The following UPF2 variants were observed in gnomAD, a reference collection of about 807,000 sequenced individuals.
UPF2 encodes UPF2 regulator of nonsense mediated mRNA decay.
A neutral mutation model predicts 141.4 loss-of-function variants in UPF2; 17 were observed. That is an observed-to-expected ratio of 0.12 (90% CI 0.08 to 0.18). The LOEUF (loss-of-function observed/expected upper bound fraction) is 0.18, where lower values mean the gene tolerates loss of function less well. UPF2 is among the 10% of genes least tolerant of loss of function. UPF2 has a pLI of 1.00. For synonymous variants in UPF2, 540 were observed against 498.0 expected, an observed-to-expected ratio of 1.08 and a Z score of -1.12; for missense variants, 1,152 against 1,515.9, an observed-to-expected ratio of 0.76 and a Z score of 3.99.
In UPF2 at chr10:11,936,829, C is replaced by A; in HGVS notation, c.3379-117G>T. On this transcript the variant is annotated intron_variant, in intron 18 of 21. Coordinates refer to ENST00000357604, the MANE Select transcript of UPF2 (RefSeq NM_015542.4). The surrounding 1 kb of genome is among the most constrained non-coding windows in gnomAD (Gnocchi z 6.6). The stretch of plus-strand genomic sequence containing the variant: ...CTTAAAACACAACAATCATAAGAGC[C>A]ATAACAGTCAACAATTACAACCACC... 1.0e-6 allele frequency: 1 copy of A among 991,916 alleles called. No homozygotes were observed. Among genetic ancestry groups the A allele is most frequent in the Non-Finnish European group, 1.4e-6 (1 of 713,614 alleles). The allele number at this position is 991,916 out of a possible 1,614,324, so 61.4% of individuals were successfully genotyped here.
chr10:11,949,483 C>A (rs1231215802), intron 15 of UPF2, among the ~76,000 whole-genome samples: 2 of 152,222 alleles, frequency 1.3e-5, no homozygotes, highest in African/African-American at 4.8e-5. Flanking sequence ...GGAGAACTTA[C>A]AGCATCTTAC....
chr10:12,026,502 C>A, intron 3 of UPF2: 1 of 361,686 alleles, frequency 2.8e-6, no homozygotes, highest in Non-Finnish European at 5.4e-6. Context: ...GAGATACTGT[C>A]ATGGGAATAA....
chr10:11,964,190 T>A, intron 10 of UPF2, 65 bp from the exon 11 acceptor site: 7 of 1,228,404 alleles, frequency 5.7e-6, no homozygotes, highest in Non-Finnish European at 8.2e-6. Flanking sequence ...GAAGAAATTA[T>A]CATACATCTA....
At chr10:11,993,553 A>C (rs539741195) in intron 8 of UPF2, among the ~76,000 whole-genome samples, 46 of 152,180 alleles carry the variant, frequency 3.0e-4, no homozygotes, top group Non-Finnish European at 5.7e-4. Flanking sequence ...AGTATTCTCT[A>C]ATCAAAATGC....
At chr10:11,984,318 A>G (rs2131236968) in intron 8 of UPF2, among the ~76,000 whole-genome samples, 1 of 151,436 alleles carries the variant, frequency 6.6e-6, no homozygotes, top group African/African-American at 2.5e-5. Flanking sequence ...TCAAAAAATT[A>G]TGTTTCACTG....
chr10:12,004,636 A>G lies in UPF2; in HGVS notation c.1398T>C (p.Asn466=), dbSNP rs1834005742. The G allele has an allele frequency of 1.2e-6, 2 of 1,613,784 alleles. No individual in the cohort carries two copies. Among genetic ancestry groups the G allele is most frequent in the Non-Finnish European group, 1.7e-6 (2 of 1,179,912 alleles). ...GGIWEDEDAR[N]FYENLIDLKA... Reference sequence around the variant, plus strand: ...TCAAATCAATGAGGTTCTCATAAAAATTCCGAGCATCTTCATCTTCCCATA... The same window carrying G: ...TCAAATCAATGAGGTTCTCATAAAAGTTCCGAGCATCTTCATCTTCCCATA... The change falls in exon 5 of 22, where the codon AAT becomes AAC. Residue 466 remains asparagine, a synonymous_variant. Transcript: ENST00000357604.
chr10:12,018,118 A>G (rs4747956), intron 3 of UPF2, among the ~76,000 whole-genome samples: 32,287 of 152,164 alleles, frequency 0.21, 3,776 homozygotes, highest in East Asian at 0.46. Context: ...CAGACAAAGC[A>G]GAGAAATAAC....
intron 8 of UPF2, among the ~76,000 whole-genome samples, chr10:11,988,229 C>G (rs912926284): frequency 3.9e-5 from 6 of 152,148 alleles, no homozygotes; most frequent in Non-Finnish European, 7.3e-5. Context: ...AACTACTACC[C>G]CCACCCAAAA....
intron 8 of UPF2, among the ~76,000 whole-genome samples, chr10:11,986,973 T>C (rs1355588653): frequency 6.6e-6 from 1 of 152,238 alleles, no homozygotes; most frequent in Non-Finnish European, 1.5e-5. Flanking sequence ...GTATTCTGTT[T>C]ACATGAATCT....
In UPF2 at chr10:11,921,117, G is replaced by T. The variant is rs750169839; in HGVS notation, c.*181C>A. 2 of 847,276 alleles carry T rather than the reference G, an allele frequency of 2.4e-6. No individual in the cohort carries two copies. Among genetic ancestry groups the T allele is most frequent in the South Asian group, 1.3e-5 (1 of 75,142 alleles). 52.5% of individuals were successfully genotyped at this position (847,276 alleles called of 1,614,324 possible). On this transcript the variant is annotated 3_prime_UTR_variant, in exon 22 of 22. Coordinates refer to ENST00000357604, the MANE Select transcript of UPF2 (RefSeq NM_015542.4). This position sits in a 1 kb window ranked among gnomAD's most constrained non-coding sequence, Gnocchi z 5.9. Reference sequence around the variant, plus strand: ...CCGCCTTGTCTGGAAGCGTCGGCTTGTTCCGGTGTTGGCAGAGGCTGGTGT... The same window carrying T: ...CCGCCTTGTCTGGAAGCGTCGGCTTTTTCCGGTGTTGGCAGAGGCTGGTGT...
intron 5 of UPF2, among the ~76,000 whole-genome samples, chr10:12,004,297 A>G (rs527635420): frequency 8.5e-5 from 13 of 152,206 alleles, no homozygotes; most frequent in Admixed American, 7.9e-4. Flanking sequence ...ATAAACAAAC[A>G]CTTTCCAATT....
In UPF2 at chr10:11,959,074, C is replaced by G. The variant is rs145547636; in HGVS notation, c.2370+97G>C. ...TTACACAGAGCTGATTATAAAGGAA[C>G]TTGAGCTCTACCCCCACTTCTCCTA... On this transcript the variant is annotated intron_variant, in intron 12 of 21. Transcript: ENST00000357604. The surrounding 1 kb of genome is among the most constrained non-coding windows in gnomAD (Gnocchi z 5.9). 2 of 1,209,044 alleles carry G rather than the reference C, an allele frequency of 1.7e-6. No individual in the cohort carries two copies. Among genetic ancestry groups the G allele is most frequent in the Non-Finnish European group, 2.2e-6 (2 of 906,322 alleles). 74.9% of individuals were successfully genotyped at this position (1,209,044 alleles called of 1,614,324 possible). A position where few individuals can be genotyped will look rare whatever the true frequency, so the allele number is the denominator to read the frequency against.
chr10:11,938,863 T>TTTTTTTG (rs1564337830), intron 18 of UPF2, among the ~76,000 whole-genome samples: 2 of 81,082 alleles, frequency 2.5e-5, no homozygotes, highest in Non-Finnish European at 2.4e-5. Flanking sequence ...GTTTTTTTTT[T>TTTTTTTG]TTTTTTTTTT....
chr10:11,923,735 A>G (rs1278582917), intron 21 of UPF2, among the ~76,000 whole-genome samples: 1 of 151,292 alleles, frequency 6.6e-6, no homozygotes, highest in Non-Finnish European at 1.5e-5. Context: ...GCTACTTGGG[A>G]GGCTGAGGCA....
Position 11,955,424 on chromosome 10 carries a change from T to C in UPF2, c.2658A>G (p.Ser886=). Residue 886 remains serine (S), a synonymous_variant, in exon 14 of 22, where the codon TCA becomes TCG. Transcript: ENST00000357604. The part of the protein sequence containing the change: ...GELYNYRMVE[S]AVIFRTLYSF... ...AATACAGAGTTCTGAAAATAACAGC[T>C]GATTCCACCATTCGGTAATTGTAAA... 5 of 1,614,164 alleles carry C rather than the reference T, an allele frequency of 3.1e-6. No individual in the cohort carries two copies. The highest frequency in any genetic ancestry group is 1.1e-5 in the South Asian group (1 of 91,082).
rs2131186262 is a variant in UPF2, at chr10:11,953,848, C to T, written c.2850+1384G>A. ...AAGAATAGCGGTAGGAGCAAGCTAA[C>T]AGACCGCAATTCCCGAAGAATATTT... On this transcript the variant is annotated intron_variant, in intron 14 of 21. Transcript: ENST00000357604. The surrounding 1 kb of genome is among the most constrained non-coding windows in gnomAD (Gnocchi z 5.0). 6.6e-6 allele frequency among the ~76,000 whole-genome samples: 1 copy of T among 152,314 alleles called. No homozygotes were observed. Among genetic ancestry groups the T allele is most frequent in the Middle Eastern group, 3.4e-3 (1 of 294 alleles).
chr10:11,934,525 T>C (rs2131157166), intron 19 of UPF2, among the ~76,000 whole-genome samples: 1 of 152,350 alleles, frequency 6.6e-6, no homozygotes, highest in East Asian at 1.9e-4. Flanking sequence ...CTGTCAAAGT[T>C]AACTCTCAAT....
At chr10:12,028,144 C>T (rs932264108) in intron 3 of UPF2, among the ~76,000 whole-genome samples, 5 of 152,126 alleles carry the variant, frequency 3.3e-5, no homozygotes, top group Admixed American at 2.6e-4. Context: ...GGTCTTTTCA[C>T]CAATTACCAC....
At chr10:11,943,515 C>A (rs766615635) in intron 16 of UPF2, among the ~76,000 whole-genome samples, 7 of 152,164 alleles carry the variant, frequency 4.6e-5, no homozygotes, top group Non-Finnish European at 1.0e-4. Flanking sequence ...TTCTTTAATA[C>A]CCATCTAACT....
Sources: allele counts gnomAD v4.1 joint callset (sites outside exome capture counted in the v4.1 genomes callset), GRCh38; gene constraint gnomAD v4.1.1; non-coding constraint Gnocchi (gnomAD v3.1); transcripts MANE v1.5; gene names NCBI Gene and HGNC (gene_info 2026-07-23, HGNC 2026-07-21).